PTPRM: variants seen among roughly 807,000 people sequenced by gnomAD.
PTPRM encodes the protein protein tyrosine phosphatase receptor type M.
PTPRM carries 47 observed loss-of-function variants against 186.7 expected under a neutral mutation model. That is an observed-to-expected ratio of 0.25 (90% CI 0.20 to 0.32). The LOEUF is 0.32. Ranked by LOEUF, PTPRM falls within the 10% of genes least tolerant of loss-of-function variation. The probability of loss-of-function intolerance (pLI) is 1.00; values close to 1 mark genes in which losing one functional copy is unlikely to be tolerated. For missense variants in PTPRM, 1,494 were observed against 1,865.0 expected (o/e 0.80, Z 3.66); for synonymous variants, 668 against 674.9 (o/e 0.99, Z 0.16).
chr18:8,292,525 C>T (rs2147851951), intron 19 of PTPRM, among the ~76,000 whole-genome samples: 2 of 152,360 alleles, frequency 1.3e-5, no homozygotes, highest in East Asian at 3.9e-4. Context: ...ATCACCCTAT[C>T]TGTATGGAGT....
intron 9 of PTPRM, among the ~76,000 whole-genome samples, chr18:8,084,481 A>G (rs770966956): frequency 2.0e-5 from 3 of 152,206 alleles, no homozygotes; most frequent in Non-Finnish European, 4.4e-5. Context: ...AGTGTCATGC[A>G]GTGCAGTGAT....
intron 7 of PTPRM, among the ~76,000 whole-genome samples, chr18:8,049,710 GT>G (rs371227331): frequency 7.5e-5 from 11 of 145,998 alleles, no homozygotes; most frequent in East Asian, 2.0e-4. Context: ...AGTCTGTGAG[GT>G]TTTTTTTTTT....
At chr18:7,570,542 C>T (rs1052612279) in intron 1 of PTPRM, among the ~76,000 whole-genome samples, 1 of 152,146 alleles carries the variant, frequency 6.6e-6, no homozygotes, top group African/African-American at 2.4e-5. Context: ...TGCACATATT[C>T]AAATTGTGTG....
intron 25 of PTPRM, 92 bp downstream of exon 25, chr18:8,376,292 A>G: frequency 6.5e-7 from 1 of 1,549,188 alleles, no homozygotes; most frequent in Non-Finnish European, 8.8e-7. Flanking sequence ...TTAGAACTTC[A>G]GAGGGGTGAT....
At chr18:8,123,493 T>C (rs1432525799) in intron 13 of PTPRM, among the ~76,000 whole-genome samples, 1 of 152,224 alleles carries the variant, frequency 6.6e-6, no homozygotes, top group East Asian at 1.9e-4. Context: ...AAAATAATTC[T>C]ATTTCCTTCT....
At chr18:8,358,534 T>G (rs1014107416) in intron 23 of PTPRM, among the ~76,000 whole-genome samples, 1 of 152,190 alleles carries the variant, frequency 6.6e-6, no homozygotes, top group African/African-American at 2.4e-5. Flanking sequence ...AGTCTGTTCA[T>G]CTCTCTTGCT....
chr18:8,157,443 T>C (rs902432521), intron 14 of PTPRM, among the ~76,000 whole-genome samples: 2 of 152,124 alleles, frequency 1.3e-5, no homozygotes, highest in African/African-American at 4.8e-5. Flanking sequence ...TCTCTCCTTT[T>C]CCCATGGAGA....
intron 1 of PTPRM, among the ~76,000 whole-genome samples, chr18:7,697,454 G>C (rs1311220948): frequency 2.6e-5 from 4 of 152,142 alleles, no homozygotes; most frequent in Non-Finnish European, 4.4e-5. Context: ...GTTCAGTCTT[G>C]TTGAAAACTT....
chr18:8,373,450 C>G (rs1258437020), intron 24 of PTPRM, among the ~76,000 whole-genome samples: 2 of 152,094 alleles, frequency 1.3e-5, no homozygotes, highest in African/African-American at 4.8e-5. Flanking sequence ...TACACAGTAC[C>G]CAGAGTGTCA....
intron 2 of PTPRM, among the ~76,000 whole-genome samples, chr18:7,872,123 G>A (rs1271640295): frequency 1.3e-5 from 2 of 152,126 alleles, no homozygotes; most frequent in Non-Finnish European, 1.5e-5. Flanking sequence ...TCAAATTACT[G>A]TTTCTGCTTT....
At chr18:8,300,503 TAA>T (rs60113332) in intron 20 of PTPRM, among the ~76,000 whole-genome samples, 5,790 of 144,304 alleles carry the variant, frequency 0.04, 159 homozygotes, top group East Asian at 0.071. Context: ...ATTACTTCAT[TAA>T]AAAAAAAAAA....
intron 2 of PTPRM, among the ~76,000 whole-genome samples, chr18:7,858,800 A>G (rs1280546820): frequency 6.6e-6 from 1 of 152,138 alleles, no homozygotes; most frequent in Non-Finnish European, 1.5e-5. Context: ...ATGTGCCTTT[A>G]TTTACGGAGC....
chr18:8,014,043 A>G (rs1257316610), intron 7 of PTPRM, among the ~76,000 whole-genome samples: 1 of 152,288 alleles, frequency 6.6e-6, no homozygotes, highest in South Asian at 2.1e-4. Context: ...GGTTTTTAGC[A>G]TGAATTCCAG....
At chr18:8,242,899 A>T (rs2094444785) in intron 14 of PTPRM, among the ~76,000 whole-genome samples, 1 of 152,232 alleles carries the variant, frequency 6.6e-6, no homozygotes, top group Non-Finnish European at 1.5e-5. Context: ...CAGTGTCAAG[A>T]TGATTTACTA....
intron 7 of PTPRM, among the ~76,000 whole-genome samples, chr18:7,966,998 G>C (rs1348947276): frequency 8.9e-6 from 1 of 112,862 alleles, no homozygotes; most frequent in Admixed American, 9.3e-5. Context: ...CCACCTCTGG[G>C]GGCAGGGCAC....
chr18:7,754,311 C>T (rs376052811), intron 1 of PTPRM, among the ~76,000 whole-genome samples: 20 of 152,278 alleles, frequency 1.3e-4, no homozygotes, highest in East Asian at 3.9e-4. Flanking sequence ...TGCAATTACC[C>T]GACATTTCCT....
chr18:8,173,031 G>A (rs910272480), intron 14 of PTPRM, among the ~76,000 whole-genome samples: 1 of 152,174 alleles, frequency 6.6e-6, no homozygotes, highest in Admixed American at 6.5e-5. Context: ...TCAGTTCAGG[G>A]ATTAGGAGTG....
At chr18:7,995,398 A>G (rs1393693491) in intron 7 of PTPRM, among the ~76,000 whole-genome samples, 2 of 152,178 alleles carry the variant, frequency 1.3e-5, no homozygotes, top group Admixed American at 6.5e-5. Context: ...AAATTAGAAA[A>G]GGAGAGAATT....
intron 11 of PTPRM, among the ~76,000 whole-genome samples, chr18:8,100,924 A>T (rs1364764450): frequency 6.6e-6 from 1 of 152,140 alleles, no homozygotes; most frequent in Admixed American, 6.5e-5. Flanking sequence ...TGTGGTTATC[A>T]CCTATATAGG....
Sources: gnomAD v4.1 joint callset for allele counts (sites outside exome capture counted in the v4.1 genomes callset) on GRCh38, gnomAD v4.1.1 for gene constraint, MANE v1.5 for transcripts, NCBI Gene and HGNC (gene_info 2026-07-23, HGNC 2026-07-21) for gene names.